COL22A1: variants seen among roughly 807,000 people sequenced by gnomAD.
COL22A1 encodes the protein collagen type XXII alpha 1 chain, also known as collagen alpha-1(XXII) chain.
COL22A1 carries 221 observed loss-of-function variants against 248.9 expected under a neutral mutation model. The ratio of observed to expected loss-of-function variants is 0.89; its 90% CI spans 0.80 to 0.99. The LOEUF is 0.99. Among genes scored for constraint, COL22A1 ranks in the 50% least tolerant of loss-of-function variants. The pLI, the probability that COL22A1 is intolerant of heterozygous loss-of-function variation, is 0.00. For missense variants in COL22A1, 2,240 were observed against 2,179.0 expected (o/e 1.03, Z -0.56); for synonymous variants, 891 against 793.4 (o/e 1.12, Z -2.07).
At chr8:138,680,747 G>C (rs1196544287) in intron 39 of COL22A1, among the ~76,000 whole-genome samples, 1 of 152,188 alleles carries the variant, frequency 6.6e-6, no homozygotes, top group African/African-American at 2.4e-5. Flanking sequence ...TTCAATGAAA[G>C]ATGACCTCAA....
intron 56 of COL22A1, among the ~76,000 whole-genome samples, chr8:138,609,261 G>A (rs1042770803): frequency 2.6e-5 from 4 of 152,200 alleles, no homozygotes; most frequent in Non-Finnish European, 5.9e-5. Context: ...ACCTGCCTGC[G>A]AGGCAAGTCA....
intron 28 of COL22A1, 43 bp from the exon 29 acceptor site, chr8:138,716,332 TC>T (rs113675734): frequency 0.13 from 184,035 of 1,434,930 alleles, 12,332 homozygotes; most frequent in African/African-American, 0.18. Context: ...AGGAAGGCTC[TC>T]CCAGGGGCCA....
At chr8:138,812,071 AGCCTGGCCGGCC>A in intron 8 of COL22A1, 150 bp from the exon 9 acceptor site, 1 of 987,808 alleles carries the variant, frequency 1.0e-6, no homozygotes, top group African/African-American at 1.7e-5. Context: ...TGGGGCAGAA[AGCCTGGCCGGCC>A]CAGGCTCAGC....
chr8:138,646,584 A>G, intron 47 of COL22A1, 45 bp downstream of exon 47: 1 of 1,419,166 alleles, frequency 7.0e-7, no homozygotes, highest in Non-Finnish European at 9.6e-7. Context: ...AACCATTGAG[A>G]TGAGCAGAAT....
intron 7 of COL22A1, among the ~76,000 whole-genome samples, chr8:138,813,948 A>G (rs1818465612): frequency 6.6e-6 from 1 of 152,250 alleles, no homozygotes; most frequent in South Asian, 2.1e-4. Context: ...ACTTACTTCT[A>G]TCACCTCCTT....
chr8:138,614,406 T>A (rs567868467), intron 55 of COL22A1, among the ~76,000 whole-genome samples: 1 of 152,324 alleles, frequency 6.6e-6, no homozygotes, highest in East Asian at 1.9e-4. Context: ...CGGGGCATAA[T>A]CCTAACCCTG....
intron 46 of COL22A1, among the ~76,000 whole-genome samples, chr8:138,648,987 T>C (rs937766090): frequency 1.3e-5 from 2 of 152,264 alleles, no homozygotes; most frequent in African/African-American, 2.4e-5. Flanking sequence ...ATGCACATTA[T>C]ATTCTAGTTT....
intron 47 of COL22A1, among the ~76,000 whole-genome samples, chr8:138,640,375 T>G (rs1052527627): frequency 3.3e-5 from 5 of 152,294 alleles, no homozygotes; most frequent in Non-Finnish European, 7.4e-5. Flanking sequence ...TTCAAACTTT[T>G]GAGGGCAGGG....
Position 138,778,348 on chromosome 8 carries a change from C to T in COL22A1, c.1758+5G>A, listed in dbSNP as rs1334025090. The T allele has an allele frequency of 1.2e-6, 2 of 1,614,000 alleles. No individual in the cohort carries two copies. The highest frequency in any genetic ancestry group is 1.1e-5 in the South Asian group (1 of 91,020). ...ACCCCTGCCCAGACAAGTGCCTTCA[C>T]TTACAGGAGCTCCGACACGTCCAGG... On this transcript the variant is annotated splice_donor_5th_base_variant and intron_variant, in intron 15 of 64. Coordinates refer to ENST00000303045, the MANE Select transcript of COL22A1 (RefSeq NM_152888.3).
rs574609945 is a variant in COL22A1 at position 138,731,215 on chromosome 8, C to T, written c.2140-5775G>A. Among the ~76,000 whole-genome samples, 22 of 152,108 alleles carry T rather than the reference C, an allele frequency of 1.4e-4. No homozygotes were observed. In the South Asian group the frequency reaches 4.6e-3, roughly 32 times the overall value. ...ACTAGGGAGGCTGAGGCAGGAGAAT[C>T]GCTTGAACCTGGGAGGCAGAGGTTG... On this transcript the variant is annotated intron_variant, in intron 23 of 64. Coordinates refer to ENST00000303045, the MANE Select transcript of COL22A1 (RefSeq NM_152888.3).
chr8:138,627,765 G>A (rs146876493), intron 50 of COL22A1, among the ~76,000 whole-genome samples: 156 of 152,188 alleles, frequency 1.0e-3, no homozygotes, highest in African/African-American at 3.5e-3. Context: ...TGTTCCTACC[G>A]GATGAGTTCA....
intron 1 of COL22A1, among the ~76,000 whole-genome samples, chr8:138,901,516 A>G (rs1192948967): frequency 4.6e-5 from 7 of 151,592 alleles, no homozygotes; most frequent in African/African-American, 1.7e-4. Context: ...ACAGGTACAT[A>G]CCACCATGCC....
intron 56 of COL22A1, among the ~76,000 whole-genome samples, chr8:138,613,073 C>A (rs1471966456): frequency 6.6e-6 from 1 of 151,180 alleles, no homozygotes; most frequent in Non-Finnish European, 1.5e-5. Context: ...ACAGTGAAAC[C>A]CCGTCTCTAC....
In COL22A1 at chr8:138,688,925, C is replaced by T. The variant is rs1021093546; in HGVS notation, c.2854G>A (p.Gly952Ser). The T allele has an allele frequency of 1.2e-6, 2 of 1,613,084 alleles. No homozygotes were observed. Among genetic ancestry groups the T allele is most frequent in the African/African-American group, 1.3e-5 (1 of 74,980 alleles). ...GATCATATTGGTCTTACCTTCTCAC[C>T]ACGCTCCCCATCTTTCCCTGGGGTG... ...RGTPGKDGERGEKGAAGEEGS... is the reference protein window; with the variant it reads ...RGTPGKDGERSEKGAAGEEGS... The change falls in exon 37 of 65, where the codon GGT becomes AGT. Residue 952 changes from glycine to serine, a missense_variant. Coordinates refer to ENST00000303045, the MANE Select transcript of COL22A1 (RefSeq NM_152888.3).
Position 138,878,120 on chromosome 8 carries a change from G to T in COL22A1, c.288C>A (p.Gly96=). Residue 96 remains glycine (G), a synonymous_variant, in exon 3 of 65, where the codon GGC becomes GGA. Transcript: ENST00000303045. Reference sequence around the variant, plus strand: ...CAGCCGCCTTGACCTCCTCCTGCGAGCCAAAGAGTCCCAACTCGAAGGCCG... The same window carrying T: ...CAGCCGCCTTGACCTCCTCCTGCGATCCAAAGAGTCCCAACTCGAAGGCCG... ...PTTAFELGLF[G]SQEEVKAAAR... The T allele has an allele frequency of 6.2e-7, 1 of 1,605,316 alleles. No individual in the cohort carries two copies. The highest frequency in any genetic ancestry group is 8.5e-7 in the Non-Finnish European group (1 of 1,176,690).
intron 4 of COL22A1, among the ~76,000 whole-genome samples, chr8:138,842,263 C>T (rs964456300): frequency 5.3e-5 from 8 of 152,130 alleles, no homozygotes; most frequent in African/African-American, 1.9e-4. Context: ...TGAGGAAATG[C>T]GTGCAAACCC....
chr8:138,662,795 C>T (rs551465818), intron 42 of COL22A1, among the ~76,000 whole-genome samples: 3 of 152,266 alleles, frequency 2.0e-5, no homozygotes, highest in African/African-American at 4.8e-5. Context: ...TGAAATCTCA[C>T]GTCTATCAGT....
At chr8:138,801,644 G>A (rs1276865952) in intron 11 of COL22A1, among the ~76,000 whole-genome samples, 1 of 152,142 alleles carries the variant, frequency 6.6e-6, no homozygotes, top group Non-Finnish European at 1.5e-5. Flanking sequence ...CCAGCAATTA[G>A]GGAGGCCGAG....
intron 45 of COL22A1, among the ~76,000 whole-genome samples, chr8:138,655,478 C>A (rs1311206197): frequency 6.6e-6 from 1 of 152,212 alleles, no homozygotes; most frequent in East Asian, 1.9e-4. Flanking sequence ...CCTACCTCAG[C>A]CTCCTGAGTC....
Sources: gnomAD v4.1 joint callset for allele counts (sites outside exome capture counted in the v4.1 genomes callset) on GRCh38, gnomAD v4.1.1 for gene constraint, MANE v1.5 for transcripts, NCBI Gene and HGNC (gene_info 2026-07-23, HGNC 2026-07-21) for gene names.